Variants in OXR1 observed in about 807,000 individuals in gnomAD.
OXR1 encodes oxidation resistance 1.
In OXR1, 41 loss-of-function variants were observed where a neutral mutation model predicts 104.6. The ratio of observed to expected loss-of-function variants is 0.39; its 90% CI spans 0.31 to 0.51. OXR1 has a LOEUF of 0.51. Ranked by LOEUF, OXR1 falls within the 20% of genes least tolerant of loss-of-function variation. The pLI, the probability that OXR1 is intolerant of heterozygous loss-of-function variation, is 0.77. For missense variants in OXR1, 955 were observed against 1,031.9 expected (o/e 0.93, Z 1.02); for synonymous variants, 348 against 348.4 (o/e 1.00, Z 0.01).
chr8:106,321,189 T>G (rs1814199799), intron 1 of OXR1, among the ~76,000 whole-genome samples: 1 of 152,218 alleles, frequency 6.6e-6, no homozygotes, highest in South Asian at 2.1e-4. Context: ...GAAATCACAA[T>G]TTAACAAAAC....
At chr8:106,518,901 C>A (rs749142970) in intron 2 of OXR1, 42 bp from the exon 3 acceptor site, 4 of 1,409,090 alleles carry the variant, frequency 2.8e-6, no homozygotes, top group Non-Finnish European at 3.8e-6. Context: ...AAATGTGTCT[C>A]TAGAATCAGG....
intron 11 of OXR1, among the ~76,000 whole-genome samples, chr8:106,726,562 A>G (rs1458561812): frequency 6.6e-6 from 1 of 152,214 alleles, no homozygotes; most frequent in East Asian, 1.9e-4. Flanking sequence ...GAAGATATCA[A>G]ATCTTAATTG....
chr8:106,281,316 T>C (rs1321376356), intron 1 of OXR1, among the ~76,000 whole-genome samples: 1 of 152,150 alleles, frequency 6.6e-6, no homozygotes, highest in African/African-American at 2.4e-5. Flanking sequence ...CCCAGATGTC[T>C]GTCAGTTGAG....
intron 7 of OXR1, chr8:106,698,059 G>A: frequency 7.4e-7 from 1 of 1,360,094 alleles, no homozygotes; most frequent in Non-Finnish European, 1.0e-6. Flanking sequence ...ACGGGCTGGA[G>A]AGCGGCACAC....
chr8:106,514,250 T>G (rs1349115821), intron 2 of OXR1, among the ~76,000 whole-genome samples: 2 of 152,202 alleles, frequency 1.3e-5, no homozygotes, highest in African/African-American at 4.8e-5. Context: ...TTTAACGCAT[T>G]TAATTAAGAA....
intron 2 of OXR1, among the ~76,000 whole-genome samples, chr8:106,498,718 T>G (rs1390997200): frequency 6.6e-6 from 1 of 152,166 alleles, no homozygotes; most frequent in Non-Finnish European, 1.5e-5. Context: ...ACATGATGCA[T>G]CTGGGCACTC....
At chr8:106,684,677 T>C (rs1420358661) in intron 6 of OXR1, among the ~76,000 whole-genome samples, 1 of 152,194 alleles carries the variant, frequency 6.6e-6, no homozygotes, top group African/African-American at 2.4e-5. Flanking sequence ...TAGAGGAAGT[T>C]CATGTCCAAT....
intron 2 of OXR1, among the ~76,000 whole-genome samples, chr8:106,507,318 A>G (rs1812233383): frequency 6.6e-6 from 1 of 152,158 alleles, no homozygotes; most frequent in Admixed American, 6.5e-5. Context: ...GATCCATTTT[A>G]CAAATGAGGA....
chr8:106,624,796 T>C (rs1229447578), intron 3 of OXR1, among the ~76,000 whole-genome samples: 1 of 152,142 alleles, frequency 6.6e-6, no homozygotes, highest in Non-Finnish European at 1.5e-5. Flanking sequence ...ATGTTTGTTT[T>C]TGGTTTTGTT....
chr8:106,323,911 G>A (rs867168508), intron 1 of OXR1, among the ~76,000 whole-genome samples: 67 of 152,266 alleles, frequency 4.4e-4, no homozygotes, highest in African/African-American at 1.5e-3. Flanking sequence ...CACTGTTGGT[G>A]GTAGTGTAAA....
Position 106,545,734 on chromosome 8 carries a change from A to G in OXR1, c.220+26595A>G, listed in dbSNP as rs78703367. On this transcript the variant is annotated intron_variant, in intron 3 of 16. Transcript: ENST00000517566. The stretch of plus-strand genomic sequence containing the variant: ...AAGGTAAAGGAAGGAAAATAGGCTT[A>G]TAACTGTAATCCCAGCACTTTGGGA... 8.4e-3 allele frequency among the ~76,000 whole-genome samples: 1,275 copies of G among 152,328 alleles called. 22 individuals carry two copies. Among genetic ancestry groups the G allele is most frequent in the African/African-American group, 0.028 (1,183 of 41,574 alleles).
intron 3 of OXR1, among the ~76,000 whole-genome samples, chr8:106,640,943 A>T: frequency 6.6e-6 from 1 of 152,212 alleles, no homozygotes; most frequent in South Asian, 2.1e-4. Flanking sequence ...TATTTATGAC[A>T]AGCTTATATG....
At chr8:106,449,765 T>A (rs1320412137) in intron 2 of OXR1, among the ~76,000 whole-genome samples, 1 of 152,034 alleles carries the variant, frequency 6.6e-6, no homozygotes, top group East Asian at 1.9e-4. Flanking sequence ...AAAAGAAAAA[T>A]CTTAATGATG....
At chr8:106,386,751 A>G (rs184564068) in intron 2 of OXR1, among the ~76,000 whole-genome samples, 4 of 152,328 alleles carry the variant, frequency 2.6e-5, no homozygotes, top group Admixed American at 2.6e-4. Flanking sequence ...GATGTTTTGG[A>G]AACAGGAGTC....
chr8:106,683,450 G>T, intron 5 of OXR1, 144 bp downstream of exon 5: 2 of 462,492 alleles, frequency 4.3e-6, no homozygotes, highest in African/African-American at 1.9e-5. Flanking sequence ...CCATGTAAGA[G>T]AAAATTAACT....
At chr8:106,737,412 C>G (rs1031024836) in intron 11 of OXR1, 108 bp from the exon 12 acceptor site, 2 of 409,824 alleles carry the variant, frequency 4.9e-6, no homozygotes, top group African/African-American at 4.4e-5. Context: ...ATCCTAATTA[C>G]AGTTCTCTTC....
At position 106,485,710 on chromosome 8, in the gene OXR1, G is replaced by A. The variant is rs556799746; in HGVS notation, c.24-33233G>A. On this transcript the variant is annotated intron_variant, in intron 2 of 16. Transcript: ENST00000517566. Reference sequence around the variant, plus strand: ...GCACTATTTACAATAGCTAAGATATGATCTATCAATGGATGAATGGATGGA... The same window carrying A: ...GCACTATTTACAATAGCTAAGATATAATCTATCAATGGATGAATGGATGGA... 1.5e-4 allele frequency among the ~76,000 whole-genome samples: 23 copies of A among 152,132 alleles called. 2 individuals are homozygous for A. The East Asian group carries it at 2.3e-3, about 15-fold the overall frequency.
At chr8:106,703,139 T>A in intron 8 of OXR1, 49 bp downstream of exon 8, 1 of 1,272,056 alleles carries the variant, frequency 7.9e-7, no homozygotes, top group East Asian at 2.3e-5. Context: ...ATCTAGATAG[T>A]TGACCCTTGT....
chr8:106,572,983 A>G (rs1052745346), intron 3 of OXR1, among the ~76,000 whole-genome samples: 6 of 152,166 alleles, frequency 3.9e-5, no homozygotes, highest in African/African-American at 9.6e-5. Flanking sequence ...GATCAAAGGC[A>G]TGGGAACCAT....
Sources: gnomAD v4.1 joint callset for allele counts (sites outside exome capture counted in the v4.1 genomes callset) on GRCh38, gnomAD v4.1.1 for gene constraint, MANE v1.5 for transcripts, NCBI Gene and HGNC (gene_info 2026-07-23, HGNC 2026-07-21) for gene names.